Variants in USP50 observed in about 807,000 individuals in gnomAD.
The protein encoded by USP50 is ubiquitin carboxyl-terminal hydrolase 50.
In USP50, 37 loss-of-function variants were observed where a neutral mutation model predicts 39.2. That is an observed-to-expected ratio of 0.94 (90% CI 0.73 to 1.24). The LOEUF (loss-of-function observed/expected upper bound fraction) is 1.24. Ranked by LOEUF, USP50 falls within the 50% of genes most tolerant of loss-of-function variation. The pLI, the probability that USP50 is intolerant of heterozygous loss-of-function variation, is 0.00. For missense variants in USP50, 374 were observed against 398.2 expected, an observed-to-expected ratio of 0.94 and a Z score of 0.52; for synonymous variants, 139 against 144.5, an observed-to-expected ratio of 0.96 and a Z score of 0.27.
intron 5 of USP50, among the ~76,000 whole-genome samples, chr15:50,531,161 C>T (rs1229685480): frequency 6.6e-6 from 1 of 152,108 alleles, no homozygotes; most frequent in African/African-American, 2.4e-5. Flanking sequence ...GCAAGATACC[C>T]TGTTTTCAAA....
intron 2 of USP50, 102 bp downstream of exon 2, chr15:50,544,485 G>T: frequency 8.6e-7 from 1 of 1,161,384 alleles, no homozygotes; most frequent in Non-Finnish European, 1.2e-6. Flanking sequence ...CTACTGACTT[G>T]TTTGTTTATC....
At chr15:50,509,282 A>C (rs1285987253) in intron 6 of USP50, 1 of 151,706 alleles carries the variant, frequency 6.6e-6, no homozygotes, top group Non-Finnish European at 1.5e-5. Flanking sequence ...ACACCACTGC[A>C]CTCCAGCCTG....
chr15:50,497,034 G>C, downstream of USP50: 1 of 1,551,738 alleles, frequency 6.4e-7, no homozygotes, highest in South Asian at 1.2e-5. Flanking sequence ...GGTGCTCTCT[G>C]ACATTATTGA....
At chr15:50,493,851 G>C, downstream of USP50, 2 of 689,992 alleles carry the variant, frequency 2.9e-6, no homozygotes, top group Non-Finnish European at 5.3e-6. Flanking sequence ...TTGATGATGA[G>C]GAGACCATGC....
intron 6 of USP50, among the ~76,000 whole-genome samples, chr15:50,522,750 A>G (rs1182693473): frequency 6.6e-6 from 1 of 152,112 alleles, no homozygotes; most frequent in African/African-American, 2.4e-5. Flanking sequence ...GATTCAAGTG[A>G]TTCTCCTGCC....
intron 6 of USP50, among the ~76,000 whole-genome samples, chr15:50,518,144 T>G (rs2052817739): frequency 6.6e-6 from 1 of 152,114 alleles, no homozygotes; most frequent in South Asian, 2.1e-4. Flanking sequence ...AACAGACACA[T>G]AGGCCAATGG....
chr15:50,502,089 G>GA (rs2052598323), intron 6 of USP50: 1 of 152,140 alleles, frequency 6.6e-6, no homozygotes, highest in African/African-American at 2.4e-5. Context: ...TGTAGAGGAA[G>GA]AAAATTGATT....
chr15:50,538,591 G>T, intron 5 of USP50, 118 bp downstream of exon 5: 1 of 1,125,968 alleles, frequency 8.9e-7, no homozygotes, highest in Non-Finnish European at 1.2e-6. Flanking sequence ...AAACAATAAT[G>T]TAATATACCA....
At chr15:50,535,166 A>ACACAC (rs1207671070) in intron 5 of USP50, among the ~76,000 whole-genome samples, 3 of 149,312 alleles carry the variant, frequency 2.0e-5, no homozygotes, top group Non-Finnish European at 4.5e-5. Flanking sequence ...CACACACACA[A>ACACAC]AAATTGATAG....
In USP50 at chr15:50,500,774, C is replaced by T; in HGVS notation, c.1000G>A (p.Ala334Thr). ...TAFCKNSVTQA is the reference protein window; with the variant it reads ...TAFCKNSVTQT ...CGTGTGTTATCAAAGCTATATCAGG[C>T]CTGGGTGACTGAATTCTTGCAGAAA... The change falls in exon 7 of 7, where the codon GCC becomes ACC. Residue 334 changes from alanine to threonine, a missense_variant. Coordinates refer to ENST00000532404, the MANE Select transcript of USP50 (RefSeq NM_203494.5). 6.3e-7 allele frequency: 1 copy of T among 1,587,656 alleles called. No individual in the cohort carries two copies. Among genetic ancestry groups the T allele is most frequent in the Non-Finnish European group, 8.6e-7 (1 of 1,166,310 alleles).
chr15:50,501,197 C>T (rs564698489), intron 6 of USP50: 25 of 203,568 alleles, frequency 1.2e-4, no homozygotes, highest in Middle Eastern at 2.0e-3. Context: ...CAGTGGCTCA[C>T]ACCTGTAATC....
chr15:50,493,812 A>G (rs960665814), downstream of USP50: 5 of 614,456 alleles, frequency 8.1e-6, no homozygotes, highest in African/African-American at 7.3e-5. Context: ...GCCAGAAGGC[A>G]GAACCTCGCT....
chr15:50,543,909 C>T lies in USP50; in HGVS notation c.249-116G>A, dbSNP rs947849346. 7.5e-5 allele frequency: 77 copies of T among 1,026,150 alleles called. No individual in the cohort carries two copies. The African/African-American group carries it at 1.0e-3, about 14-fold the overall frequency. 63.6% of individuals were successfully genotyped at this position (1,026,150 alleles called of 1,614,324 possible). On this transcript the variant is annotated intron_variant, in intron 2 of 6. Transcript: ENST00000532404. Reference sequence around the variant, plus strand: ...AGAACGTGGTGTCTCATGCCTGTAACCCCAGCACTTTGGGAGGCCAATGCA... The same window carrying T: ...AGAACGTGGTGTCTCATGCCTGTAATCCCAGCACTTTGGGAGGCCAATGCA...
At chr15:50,520,214 T>A (rs1309938897) in intron 6 of USP50, among the ~76,000 whole-genome samples, 1 of 151,678 alleles carries the variant, frequency 6.6e-6, no homozygotes, top group African/African-American at 2.4e-5. Flanking sequence ...GAAGCTGAGG[T>A]GGGAGGATCT....
chr15:50,499,758 A>C (rs2052545698), downstream of USP50: 1 of 152,150 alleles, frequency 6.6e-6, no homozygotes, highest in African/African-American at 2.4e-5. Flanking sequence ...CTACATTAAA[A>C]TCTTAATGAG....
chr15:50,531,191 T>C (rs981649998), intron 5 of USP50, among the ~76,000 whole-genome samples: 2 of 152,196 alleles, frequency 1.3e-5, no homozygotes, highest in Admixed American at 6.5e-5. Flanking sequence ...GAATGCCATG[T>C]GATCCAGCAA....
At chr15:50,512,339 A>AG (rs1389256135) in intron 6 of USP50, 1 of 151,602 alleles carries the variant, frequency 6.6e-6, no homozygotes, top group Non-Finnish European at 1.5e-5. Flanking sequence ...AAAAAAAAAA[A>AG]TAGCGAGAGA....
chr15:50,503,427 G>C (rs2052617735), intron 6 of USP50: 2 of 152,356 alleles, frequency 1.3e-5, no homozygotes, highest in East Asian at 1.9e-4. Flanking sequence ...AGTATGCTCG[G>C]GTTTTAAAGG....
intron 6 of USP50, among the ~76,000 whole-genome samples, chr15:50,518,300 A>C (rs1211429958): frequency 1.3e-5 from 2 of 150,962 alleles, no homozygotes. Flanking sequence ...GGCTCACTGC[A>C]AGTTCCGTCT....
Sources: gnomAD v4.1 joint callset for allele counts (sites outside exome capture counted in the v4.1 genomes callset) on GRCh38, gnomAD v4.1.1 for gene constraint, MANE v1.5 for transcripts, NCBI Gene and HGNC (gene_info 2026-07-23, HGNC 2026-07-21) for gene names.